CUZD1: variants seen among roughly 807,000 people sequenced by gnomAD.
CUZD1 encodes CUB and zona pellucida-like domain-containing protein 1.
CUZD1 carries 42 observed loss-of-function variants against 53.1 expected under a neutral mutation model. The observed-to-expected ratio is 0.79, with a 90% confidence interval of 0.62 to 1.02. The LOEUF is 1.02. Ranked by LOEUF, CUZD1 falls within the 50% of genes least tolerant of loss-of-function variation. The pLI, the probability that CUZD1 is intolerant of heterozygous loss-of-function variation, is 0.00. For missense variants in CUZD1, 670 were observed against 715.7 expected, an observed-to-expected ratio of 0.94 and a Z score of 0.73; for synonymous variants, 238 against 257.2, an observed-to-expected ratio of 0.93 and a Z score of 0.71.
At chr10:122,842,581 G>A (rs1424832038) in intron 1 of CUZD1, among the ~76,000 whole-genome samples, 1 of 151,880 alleles carries the variant, frequency 6.6e-6, no homozygotes, top group African/African-American at 2.4e-5. Context: ...AAATTTTTTT[G>A]GCTATTCCAG....
intron 2 of CUZD1, among the ~76,000 whole-genome samples, chr10:122,840,541 T>A (rs1158919576): frequency 2.0e-5 from 3 of 152,130 alleles, no homozygotes; most frequent in Non-Finnish European, 2.9e-5. Flanking sequence ...TTAGACTGCA[T>A]CTGCCCAGAG....
In CUZD1 at chr10:122,834,884, A is replaced by G. The variant is rs1847223493; in HGVS notation, c.1204T>C (p.Ser402Pro). The change falls in exon 7 of 9, where the codon TCC becomes CCC. Residue 402 changes from serine to proline, a missense_variant. Coordinates refer to ENST00000392790, the MANE Select transcript of CUZD1 (RefSeq NM_022034.6). ...AGTATAGTCTTTTCAAATGAATTGG[A>G]TTCAAAAAGAGCCATGCTGGTGTTA... ...KYNTSMALFE[S>P]NSFEKTILES... The G allele has an allele frequency of 1.2e-6, 2 of 1,613,582 alleles. No individual in the cohort carries two copies. The highest frequency in any genetic ancestry group is 3.3e-5 in the Admixed American group (2 of 59,956).
At chr10:122,834,398 C>A (rs929814119) in intron 7 of CUZD1, among the ~76,000 whole-genome samples, 1 of 151,920 alleles carries the variant, frequency 6.6e-6, no homozygotes, top group Non-Finnish European at 1.5e-5. Context: ...TGAAAATAAC[C>A]AAAACGTACA....
In CUZD1 at chr10:122,833,488, T is replaced by C. The variant is rs544774504; in HGVS notation, c.1651+184A>G. On this transcript the variant is annotated intron_variant, in intron 8 of 8. Coordinates refer to ENST00000392790, the MANE Select transcript of CUZD1 (RefSeq NM_022034.6). ...ATCAGTGTATCATCTGCTTACACTG[T>C]ACATGGTATGCATATTATCAACTGA... Among the ~76,000 whole-genome samples, 7 of 152,330 alleles carry C rather than the reference T, an allele frequency of 4.6e-5. No homozygotes were observed. The South Asian group carries it at 1.4e-3, about 32-fold the overall frequency.
chr10:122,842,333 A>C (rs184732606), intron 1 of CUZD1, among the ~76,000 whole-genome samples: 25 of 152,326 alleles, frequency 1.6e-4, no homozygotes, highest in Admixed American at 1.5e-3. Context: ...CATTTTTTGC[A>C]TATGGGTGTC....
chr10:122,836,400 G>C, intron 5 of CUZD1, 50 bp from the exon 6 acceptor site: 1 of 1,453,642 alleles, frequency 6.9e-7, no homozygotes, highest in Non-Finnish European at 9.1e-7. Context: ...TGCCAGCTAG[G>C]AATGTTGGAT....
rs1192121296 is a variant in CUZD1 at position 122,832,229 on chromosome 10, C to T, written c.*49G>A. 2.3e-5 allele frequency: 37 copies of T among 1,592,756 alleles called. No homozygotes were observed. The highest frequency in any genetic ancestry group is 3.1e-5 in the Non-Finnish European group (36 of 1,163,622). On this transcript the variant is annotated 3_prime_UTR_variant, in exon 9 of 9. Transcript: ENST00000392790. The stretch of plus-strand genomic sequence containing the variant: ...TATGTGTAGCCACGAGGTAGCATTT[C>T]CTTTGGCATCCTGGAGAAACATGTC...
rs147829911 is a variant in CUZD1, at chr10:122,839,099, T to C, written c.366A>G (p.Thr122=). 9 of 1,614,004 alleles carry C rather than the reference T, an allele frequency of 5.6e-6. No individual in the cohort carries two copies. The African/African-American group carries it at 1.2e-4, about 22-fold the overall frequency. The change falls in exon 3 of 9, where the codon ACA becomes ACG. Residue 122 remains threonine, a synonymous_variant. Transcript: ENST00000392790. ...AGTCAGTAACTATTTGAAACGTCAA[T>C]GTACTGGATGATGATTCAAATACAG... ...YVPVFESSSS[T]LTFQIVTDSA...
chr10:122,839,264 T>G (rs550968134), intron 2 of CUZD1, 33 bp from the exon 3 acceptor site: 271 of 1,597,308 alleles, frequency 1.7e-4, no homozygotes, highest in Non-Finnish European at 2.3e-4. Context: ...GCTGAAGAAG[T>G]GTCACAAGCA....
chr10:122,841,168 T>G lies in CUZD1; in HGVS notation c.233+10A>C. On this transcript the variant is annotated intron_variant, in intron 2 of 8. Transcript: ENST00000392790. The stretch of plus-strand genomic sequence containing the variant: ...ATATCCCTTATTAGGAAACTAAAGC[T>G]TCTACTTACTGGACATAGGAAAAGA... 1 of 1,608,960 alleles carries G rather than the reference T, an allele frequency of 6.2e-7. No homozygotes were observed.
chr10:122,834,068 C>T, intron 7 of CUZD1, 128 bp from the exon 8 acceptor site: 1 of 757,064 alleles, frequency 1.3e-6, no homozygotes, highest in Non-Finnish European at 2.1e-6. Flanking sequence ...CTAGTTCACA[C>T]TACAGTGAGT....
In CUZD1 at chr10:122,834,699, T is replaced by C. The variant is rs769908981; in HGVS notation, c.1382+7A>G. 1.9e-6 allele frequency: 3 copies of C among 1,580,720 alleles called. No individual in the cohort carries two copies. The South Asian group carries it at 3.5e-5, about 19-fold the overall frequency. On this transcript the variant is annotated splice_region_variant and intron_variant, in intron 7 of 8. Transcript: ENST00000392790. ...ATCATACATACATCAGTTACATTAA[T>C]ACATACCCACTCTTGATTAGGTCGT...
intron 8 of CUZD1, 144 bp downstream of exon 8, chr10:122,833,528 A>G (rs1847191257): frequency 1.3e-6 from 1 of 798,126 alleles, no homozygotes; most frequent in African/African-American, 1.7e-5. Flanking sequence ...AATAAATACT[A>G]ATCCTATATA....
Position 122,837,555 on chromosome 10 carries a change from C to A in CUZD1, c.449-1G>T. 1 of 1,558,312 alleles carries A rather than the reference C, an allele frequency of 6.4e-7. No homozygotes were observed. The highest frequency in any genetic ancestry group is 8.6e-7 in the Non-Finnish European group (1 of 1,157,648). On this transcript the variant is annotated splice_acceptor_variant, in intron 3 of 8. Transcript: ENST00000392790. LOFTEE classifies it high-confidence loss of function. Reference sequence around the variant, plus strand: ...AGGTAACCGCCACAGTTTGGAATAGCTGAAATGGATGTGAAGGTGGTCAAG... The same window carrying A: ...AGGTAACCGCCACAGTTTGGAATAGATGAAATGGATGTGAAGGTGGTCAAG...
chr10:122,843,364 A>G (rs2133818602), intron 1 of CUZD1, among the ~76,000 whole-genome samples: 1 of 152,240 alleles, frequency 6.6e-6, no homozygotes, highest in Non-Finnish European at 1.5e-5. Flanking sequence ...ATGTAAAATG[A>G]CAGTGTTTGC....
chr10:122,844,269 C>T (rs1847398125), intron 1 of CUZD1, among the ~76,000 whole-genome samples: 1 of 152,062 alleles, frequency 6.6e-6, no homozygotes, highest in Non-Finnish European at 1.5e-5. Flanking sequence ...CTCTCAGCCT[C>T]AAGCAATGCT....
intron 4 of CUZD1, 153 bp from the exon 5 acceptor site, chr10:122,837,201 G>A (rs1324483213): frequency 3.6e-6 from 3 of 827,922 alleles, no homozygotes; most frequent in South Asian, 3.7e-5. Context: ...GGTTTTGATA[G>A]TCTCTGACAA....
Position 122,833,957 on chromosome 10 carries a change from G to T in CUZD1, c.1383-17C>A, listed in dbSNP as rs1847202638. ...CGACTACATCTGGAACAGAATTTAT[G>T]AACATGTTTAGAAGATACAGACAAA... On this transcript the variant is annotated splice_polypyrimidine_tract_variant and intron_variant, in intron 7 of 8. Coordinates refer to ENST00000392790, the MANE Select transcript of CUZD1 (RefSeq NM_022034.6). The T allele has an allele frequency of 6.2e-7, 1 of 1,605,210 alleles. No homozygotes were observed. Among genetic ancestry groups the T allele is most frequent in the African/African-American group, 1.3e-5 (1 of 74,536 alleles).
In CUZD1 at chr10:122,834,821, A is replaced by C. The variant is rs907023707; in HGVS notation, c.1267T>G (p.Phe423Val). The change falls in exon 7 of 9, where the codon TTT (phenylalanine) becomes GTT (valine). Residue 423 changes from phenylalanine to valine, a missense_variant. Physicochemically the swap from Phe to Val is conservative, Grantham distance 50. Coordinates refer to ENST00000392790, the MANE Select transcript of CUZD1 (RefSeq NM_022034.6). Reference protein sequence around the residue: ...PYYVDLNQTLFVQVSLHTSDP... With the variant: ...PYYVDLNQTLVVQVSLHTSDP... ...GAGGTGTGCAGACTAACTTGAACAA[A>C]AAGAGTTTGGTTCAAATCCACATAA... 6.2e-7 allele frequency: 1 copy of C among 1,613,878 alleles called. No homozygotes were observed. Among genetic ancestry groups the C allele is most frequent in the African/African-American group, 1.3e-5 (1 of 75,048 alleles).
Sources: gnomAD v4.1 joint callset for allele counts (sites outside exome capture counted in the v4.1 genomes callset) on GRCh38, gnomAD v4.1.1 for gene constraint, MANE v1.5 for transcripts, NCBI Gene and HGNC (gene_info 2026-07-23, HGNC 2026-07-21) for gene names.